Variants in PPARGC1A observed in about 807,000 individuals in gnomAD.
The protein encoded by PPARGC1A is peroxisome proliferator-activated receptor gamma coactivator 1-alpha.
PPARGC1A carries 25 observed loss-of-function variants against 88.7 expected under a neutral mutation model. The observed-to-expected ratio is 0.28, with a 90% confidence interval of 0.21 to 0.39. The LOEUF is 0.39. Among genes scored for constraint, PPARGC1A ranks in the 10% least tolerant of loss-of-function variants. The pLI is 1.00. For missense variants in PPARGC1A, 880 were observed against 968.7 expected, an observed-to-expected ratio of 0.91 and a Z score of 1.22; for synonymous variants, 363 against 355.6, an observed-to-expected ratio of 1.02 and a Z score of -0.24.
chr4:23,889,071 C>T, intron 1 of PPARGC1A: 1 of 985,416 alleles, frequency 1.0e-6, no homozygotes, highest in Non-Finnish European at 1.2e-6. Context: ...TACGAGGAAA[C>T]TGCTTGCGTT....
the PPARGC1A span, among the ~76,000 whole-genome samples, chr4:24,263,022 A>G: frequency 1.3e-5 from 2 of 152,314 alleles, no homozygotes; most frequent in African/African-American, 4.8e-5. Flanking sequence ...CGTAGATTTT[A>G]ACTACTCCTG....
At chr4:23,826,741 G>A (rs1724020389) in intron 5 of PPARGC1A, among the ~76,000 whole-genome samples, 1 of 152,036 alleles carries the variant, frequency 6.6e-6, no homozygotes, top group Admixed American at 6.6e-5. Context: ...GTTTTGTTCT[G>A]GGGTGAGCGT....
the PPARGC1A span, among the ~76,000 whole-genome samples, chr4:23,950,654 T>C: frequency 6.6e-6 from 1 of 152,058 alleles, no homozygotes; most frequent in Non-Finnish European, 1.5e-5. Flanking sequence ...ACCTCAAGAG[T>C]GGATGTAAGG....
At chr4:24,335,752 C>A in the PPARGC1A span, among the ~76,000 whole-genome samples, 2 of 152,194 alleles carry the variant, frequency 1.3e-5, no homozygotes, top group Admixed American at 6.5e-5. Flanking sequence ...AGGGCCAAGG[C>A]TCCCAGCTGC....
At chr4:24,105,809 C>G in the PPARGC1A span, among the ~76,000 whole-genome samples, 3 of 152,268 alleles carry the variant, frequency 2.0e-5, no homozygotes, top group East Asian at 5.8e-4. Flanking sequence ...GATGTAAATA[C>G]AGAGACATGG....
At chr4:24,122,432 TATATAGAG>T in the PPARGC1A span, among the ~76,000 whole-genome samples, 205 of 135,916 alleles carry the variant, frequency 1.5e-3, 1 homozygote, top group African/African-American at 5.1e-3. Context: ...TATATATATA[TATATAGAG>T]AGAGAGAGAG....
At chr4:24,328,175 G>T in the PPARGC1A span, among the ~76,000 whole-genome samples, 2 of 151,790 alleles carry the variant, frequency 1.3e-5, no homozygotes, top group Non-Finnish European at 1.5e-5. Context: ...CTAATACAAA[G>T]CCTATTTGGT....
At chr4:24,005,758 C>T in the PPARGC1A span, among the ~76,000 whole-genome samples, 232 of 152,048 alleles carry the variant, frequency 1.5e-3, no homozygotes, top group Admixed American at 3.4e-3. Flanking sequence ...TAGTGACCGG[C>T]TCTGAACATG....
At chr4:24,298,539 A>G in the PPARGC1A span, among the ~76,000 whole-genome samples, 5 of 152,148 alleles carry the variant, frequency 3.3e-5, no homozygotes, top group African/African-American at 1.2e-4. Context: ...CATTGCCCAC[A>G]TGATTTTGCA....
the PPARGC1A span, among the ~76,000 whole-genome samples, chr4:24,256,017 T>A: frequency 0.27 from 41,199 of 152,022 alleles, 6,055 homozygotes; most frequent in East Asian, 0.44. Flanking sequence ...TCATCTCCCC[T>A]CAATTACCTC....
At chr4:23,826,062 G>A (rs1723871461) in intron 5 of PPARGC1A, among the ~76,000 whole-genome samples, 1 of 152,144 alleles carries the variant, frequency 6.6e-6, no homozygotes, top group South Asian at 2.1e-4. Flanking sequence ...TCAAGAGGTA[G>A]GGTAGGCTAT....
At chr4:24,260,296 C>G in the PPARGC1A span, among the ~76,000 whole-genome samples, 2 of 152,168 alleles carry the variant, frequency 1.3e-5, no homozygotes, top group Non-Finnish European at 2.9e-5. Context: ...CCCTGTTCCC[C>G]CATCCTCACT....
the PPARGC1A span, among the ~76,000 whole-genome samples, chr4:24,112,610 T>C: frequency 2.6e-5 from 4 of 152,160 alleles, no homozygotes; most frequent in African/African-American, 7.2e-5. Context: ...AAAAAAGAAA[T>C]AGACAACATC....
At chr4:23,966,970 C>T in the PPARGC1A span, among the ~76,000 whole-genome samples, 2 of 152,160 alleles carry the variant, frequency 1.3e-5, no homozygotes, top group African/African-American at 4.8e-5. Context: ...TGTGTGAGTA[C>T]AGGAAGAAAT....
the PPARGC1A span, among the ~76,000 whole-genome samples, chr4:23,910,332 T>C: frequency 4.7e-5 from 3 of 63,670 alleles, no homozygotes; most frequent in Non-Finnish European, 7.6e-5. Context: ...ATATTATATA[T>C]TATATATATT....
the PPARGC1A span, among the ~76,000 whole-genome samples, chr4:24,164,363 C>A: frequency 6.6e-6 from 1 of 152,168 alleles, no homozygotes; most frequent in African/African-American, 2.4e-5. Context: ...ACAAACACAG[C>A]AGCACTGGCA....
Position 23,801,747 on chromosome 4 carries a change from G to A in PPARGC1A, c.2276C>T (p.Ser759Phe), listed in dbSNP as rs772893142. Reference sequence around the variant, plus strand: ...ATCCATACCTAGGTCTGCATAGTTAGACTTGAAAAATTGCTTGCGTCCACA... The same window carrying A: ...ATCCATACCTAGGTCTGCATAGTTAAACTTGAAAAATTGCTTGCGTCCACA... ...YFCGRKQFFK[S>F]NYADLDSNSD... The change falls in exon 12 of 13, where the codon TCT becomes TTT. Residue 759 changes from serine (S) to phenylalanine (F), a missense_variant. Physicochemically the swap from Ser to Phe is radical, Grantham distance 155. Coordinates refer to ENST00000264867, the MANE Select transcript of PPARGC1A (RefSeq NM_013261.5). 12 of 1,613,868 alleles carry A rather than the reference G, an allele frequency of 7.4e-6. No individual in the cohort carries two copies. The highest frequency in any genetic ancestry group is 1.0e-5 in the Non-Finnish European group (12 of 1,179,952).
At chr4:24,452,386 T>C in the PPARGC1A span, among the ~76,000 whole-genome samples, 1 of 152,180 alleles carries the variant, frequency 6.6e-6, no homozygotes, top group African/African-American at 2.4e-5. Context: ...CTGCTTCCTT[T>C]AGTTAACAAA....
the PPARGC1A span, among the ~76,000 whole-genome samples, chr4:23,949,727 G>A: frequency 6.6e-6 from 1 of 152,062 alleles, no homozygotes; most frequent in African/African-American, 2.4e-5. Flanking sequence ...CAATGACACA[G>A]CCTGATGTGA....
Sources: allele counts gnomAD v4.1 joint callset (sites outside exome capture counted in the v4.1 genomes callset), GRCh38; gene constraint gnomAD v4.1.1; transcripts MANE v1.5; gene names NCBI Gene and HGNC (gene_info 2026-07-23, HGNC 2026-07-21).